The following GSK3B variants were observed in gnomAD, a reference collection of about 807,000 sequenced individuals.
GSK3B encodes glycogen synthase kinase-3 beta.
A neutral mutation model predicts 56.4 loss-of-function variants in GSK3B; 15 were observed. The ratio of observed to expected loss-of-function variants is 0.27; its 90% CI spans 0.18 to 0.41. The LOEUF is 0.41. GSK3B is among the 10% of genes least tolerant of loss of function. The pLI, the probability that GSK3B is intolerant of heterozygous loss-of-function variation, is 1.00. For synonymous variants in GSK3B, 181 were observed against 188.9 expected, an observed-to-expected ratio of 0.96 and a Z score of 0.34; for missense variants, 300 against 513.4, an observed-to-expected ratio of 0.58 and a Z score of 4.02.
intron 1 of GSK3B, among the ~76,000 whole-genome samples, chr3:120,059,495 G>A (rs561973747): frequency 6.6e-6 from 1 of 152,302 alleles, no homozygotes; most frequent in South Asian, 2.1e-4. Flanking sequence ...TTCAACAACA[G>A]TTTTGATTCC....
chr3:120,010,141 T>C (rs1451873943), intron 1 of GSK3B, among the ~76,000 whole-genome samples: 1 of 152,108 alleles, frequency 6.6e-6, no homozygotes, highest in African/African-American at 2.4e-5. Context: ...AAAAAGCAGT[T>C]TTCAAAGCTT....
chr3:120,080,188 T>A (rs1450386705), intron 1 of GSK3B, among the ~76,000 whole-genome samples: 1 of 151,846 alleles, frequency 6.6e-6, no homozygotes, highest in East Asian at 1.9e-4. Flanking sequence ...CTAATGTGGA[T>A]GCTGAGGTGG....
intron 1 of GSK3B, among the ~76,000 whole-genome samples, chr3:120,050,512 A>G (rs973466103): frequency 6.6e-6 from 1 of 152,198 alleles, no homozygotes; most frequent in African/African-American, 2.4e-5. Flanking sequence ...GGTTCCAAAG[A>G]TATTTAGGGG....
intron 1 of GSK3B, among the ~76,000 whole-genome samples, chr3:120,069,354 A>T (rs1426721001): frequency 1.3e-5 from 2 of 152,252 alleles, no homozygotes; most frequent in African/African-American, 4.8e-5. Context: ...ATTGAGAAGA[A>T]TAAAAACTAA....
chr3:120,027,149 C>T (rs1434209724), intron 1 of GSK3B, among the ~76,000 whole-genome samples: 1 of 150,896 alleles, frequency 6.6e-6, no homozygotes, highest in East Asian at 2.0e-4. Context: ...CCAAGACAGG[C>T]AGACCACTTG....
intron 3 of GSK3B, among the ~76,000 whole-genome samples, chr3:119,945,107 G>A (rs1173434453): frequency 1.3e-5 from 2 of 152,098 alleles, no homozygotes; most frequent in African/African-American, 4.8e-5. Context: ...ATCATGAATG[G>A]GGCAAAAAGA....
chr3:120,009,949 T>C (rs1028308409), intron 1 of GSK3B, among the ~76,000 whole-genome samples: 15 of 152,082 alleles, frequency 9.9e-5, no homozygotes, highest in Non-Finnish European at 1.5e-4. Flanking sequence ...TGGCCAGCCA[T>C]CTTGAATATT....
intron 1 of GSK3B, among the ~76,000 whole-genome samples, chr3:120,061,689 C>A (rs2058238230): frequency 6.6e-6 from 1 of 152,116 alleles, no homozygotes; most frequent in Admixed American, 6.6e-5. Context: ...ATTTCTGAAA[C>A]TCTTCCAAAC....
rs2055427659 is a variant in GSK3B at position 119,822,491 on chromosome 3, A to C, written c.*4297T>G. 4.4e-6 allele frequency: 1 copy of C among 225,676 alleles called. No individual in the cohort carries two copies. Among genetic ancestry groups the C allele is most frequent in the South Asian group, 1.8e-4 (1 of 5,484 alleles). 14.0% of individuals were successfully genotyped at this position (225,676 alleles called of 1,614,324 possible). A position where few individuals can be genotyped will look rare whatever the true frequency, so the allele number is the denominator to read the frequency against. On this transcript the variant is annotated 3_prime_UTR_variant, in exon 11 of 11. Coordinates refer to ENST00000264235, the MANE Select transcript of GSK3B (RefSeq NM_001146156.2). Reference sequence around the variant, plus strand: ...GTCTACTTTGTCAAGCTAACCCCTTATGTACTGGTTGTCATTTTGCTTTTA... The same window carrying C: ...GTCTACTTTGTCAAGCTAACCCCTTCTGTACTGGTTGTCATTTTGCTTTTA...
At chr3:120,056,969 C>T (rs2058196454) in intron 1 of GSK3B, among the ~76,000 whole-genome samples, 1 of 152,108 alleles carries the variant, frequency 6.6e-6, no homozygotes, top group Non-Finnish European at 1.5e-5. Flanking sequence ...ATGGCAAAAC[C>T]TTGTCTCTAC....
At chr3:119,963,189 A>G (rs1361490927) in intron 2 of GSK3B, among the ~76,000 whole-genome samples, 8 of 152,232 alleles carry the variant, frequency 5.3e-5, no homozygotes, top group Non-Finnish European at 1.2e-4. Flanking sequence ...AATGAAAGAA[A>G]TTAAGGCAGA....
intron 2 of GSK3B, among the ~76,000 whole-genome samples, chr3:119,954,195 A>G (rs2057186247): frequency 6.6e-6 from 1 of 151,756 alleles, no homozygotes; most frequent in Admixed American, 6.6e-5. Flanking sequence ...GCACCAGCCA[A>G]TCAGCACTGA....
chr3:119,831,278 A>G, intron 10 of GSK3B, among the ~76,000 whole-genome samples: 1 of 152,148 alleles, frequency 6.6e-6, no homozygotes. Context: ...AGAGATTAAG[A>G]TGACTTTCAT....
intron 7 of GSK3B, among the ~76,000 whole-genome samples, chr3:119,877,356 T>G (rs1441253739): frequency 6.6e-6 from 1 of 152,174 alleles, no homozygotes; most frequent in African/African-American, 2.4e-5. Context: ...GCATAATAGT[T>G]GCATATAACC....
At chr3:119,940,895 AAGATTAAAT>A (rs2057042418) in intron 3 of GSK3B, among the ~76,000 whole-genome samples, 1 of 152,220 alleles carries the variant, frequency 6.6e-6, no homozygotes, top group Non-Finnish European at 1.5e-5. Flanking sequence ...AACCGTTGTG[AAGATTAAAT>A]GAGTAAATAT....
rs185917554 is a variant in GSK3B at position 119,897,079 on chromosome 3, T to C, written c.813+8676A>G. On this transcript the variant is annotated intron_variant, in intron 7 of 10. Coordinates refer to ENST00000264235, the MANE Select transcript of GSK3B (RefSeq NM_001146156.2). ...GTTTGTCTGGAAAAAAGTTTCTTTGTATAAATAAAACATCACTGGCAAATT... is the reference window on the plus strand; with the variant it reads ...GTTTGTCTGGAAAAAAGTTTCTTTGCATAAATAAAACATCACTGGCAAATT... 1.4e-3 allele frequency among the ~76,000 whole-genome samples: 208 copies of C among 152,332 alleles called. 2 individuals are homozygous for C. Among genetic ancestry groups the C allele is most frequent in the Admixed American group, 4.1e-3 (63 of 15,286 alleles).
intron 1 of GSK3B, among the ~76,000 whole-genome samples, chr3:120,091,636 A>G (rs1363178602): frequency 3.9e-5 from 6 of 152,198 alleles, no homozygotes; most frequent in African/African-American, 1.4e-4. Context: ...CAAACACTCC[A>G]GTACCACAAG....
intron 1 of GSK3B, among the ~76,000 whole-genome samples, chr3:120,057,405 T>C (rs1319533011): frequency 1.3e-5 from 2 of 152,098 alleles, no homozygotes; most frequent in Admixed American, 6.5e-5. Context: ...ACCAACTCTA[T>C]CCTAATCAGA....
Position 119,863,452 on chromosome 3 carries a change from C to T in GSK3B, c.1063G>A (p.Asp355Asn). 1 of 1,614,002 alleles carries T rather than the reference C, an allele frequency of 6.2e-7. No individual in the cohort carries two copies. The highest frequency in any genetic ancestry group is 8.5e-7 in the Non-Finnish European group (1 of 1,179,948). ...DPNVKLPNGRDTPALFNFTTQ... is the reference protein window; with the variant it reads ...DPNVKLPNGRNTPALFNFTTQ... ...GTGAAGTTGAAGAGTGCAGGTGTGT[C>T]TCGCCCATTTGGTAGTTTGACATTT... Residue 355 changes from aspartate (D) to asparagine (N), a missense_variant, in exon 9 of 11, where the codon GAC becomes AAC. Asp to Asn is a conservative substitution (Grantham distance 23, BLOSUM62 1). Transcript: ENST00000264235.
Sources: gnomAD v4.1 joint callset for allele counts (sites outside exome capture counted in the v4.1 genomes callset) on GRCh38, gnomAD v4.1.1 for gene constraint, MANE v1.5 for transcripts, NCBI Gene and HGNC (gene_info 2026-07-23, HGNC 2026-07-21) for gene names.